ENTREP2: variants seen among roughly 807,000 people sequenced by gnomAD.
The protein encoded by ENTREP2 is endosomal transmembrane epsin interactor 2, also known as protein ENTREP2.
the ENTREP2 span, among the ~76,000 whole-genome samples, chr15:29,621,325 C>A: frequency 4.6e-5 from 7 of 151,768 alleles, no homozygotes; most frequent in Non-Finnish European, 8.8e-5. Flanking sequence ...AGATCGAGAC[C>A]ATCCTGGCTA....
chr15:29,129,045 G>C, the ENTREP2 span, among the ~76,000 whole-genome samples: 1 of 152,174 alleles, frequency 6.6e-6, no homozygotes, highest in Non-Finnish European at 1.5e-5. Context: ...AGTTGCCCTT[G>C]CCAAGGCCAA....
the ENTREP2 span, among the ~76,000 whole-genome samples, chr15:29,448,954 G>T: frequency 6.6e-6 from 1 of 152,196 alleles, no homozygotes; most frequent in Non-Finnish European, 1.5e-5. Context: ...CCAACCAGGG[G>T]TCTCTTCCCA....
the ENTREP2 span, among the ~76,000 whole-genome samples, chr15:29,377,270 C>T: frequency 6.6e-6 from 1 of 152,258 alleles, no homozygotes; most frequent in South Asian, 2.1e-4. Flanking sequence ...TAAGGTCTCA[C>T]ACGTCATCTG....
At chr15:29,377,865 A>AAT in the ENTREP2 span, among the ~76,000 whole-genome samples, 1,555 of 55,512 alleles carry the variant, frequency 0.028, 27 homozygotes, top group African/African-American at 0.048. Flanking sequence ...ATAATAATAA[A>AAT]AAAATGAGCC....
the ENTREP2 span, among the ~76,000 whole-genome samples, chr15:29,674,140 G>T: frequency 5.4e-5 from 8 of 148,934 alleles, no homozygotes; most frequent in African/African-American, 1.8e-4. Context: ...GGGGGGGGGG[G>T]GGGCTTTGCC....
the ENTREP2 span, among the ~76,000 whole-genome samples, chr15:29,527,900 G>A: frequency 3.3e-5 from 5 of 152,026 alleles, no homozygotes; most frequent in African/African-American, 9.7e-5. Context: ...TGCTGGTTTC[G>A]CTGCTAAGAT....
At chr15:29,419,625 C>T in the ENTREP2 span, among the ~76,000 whole-genome samples, 1 of 152,098 alleles carries the variant, frequency 6.6e-6, no homozygotes, top group African/African-American at 2.4e-5. Context: ...CGCTGCAAAG[C>T]TAAGCTGGCC....
the ENTREP2 span, chr15:29,123,459 T>TGA: frequency 1.3e-6 from 2 of 1,551,516 alleles, no homozygotes; most frequent in Non-Finnish European, 8.7e-7. Context: ...GGGCACAGTG[T>TGA]GAGTGTTCCA....
chr15:29,289,536 A>G, the ENTREP2 span, among the ~76,000 whole-genome samples: 1 of 152,124 alleles, frequency 6.6e-6, no homozygotes, highest in East Asian at 1.9e-4. Flanking sequence ...TTTCACTCCT[A>G]GAGAGTGCAC....
the ENTREP2 span, among the ~76,000 whole-genome samples, chr15:29,625,000 A>T: frequency 6.6e-6 from 1 of 151,826 alleles, no homozygotes; most frequent in African/African-American, 2.4e-5. Flanking sequence ...GAACTATCTC[A>T]TACCCATCCT....
chr15:29,489,057 A>C, the ENTREP2 span, among the ~76,000 whole-genome samples: 1 of 152,346 alleles, frequency 6.6e-6, no homozygotes, highest in Non-Finnish European at 1.5e-5. Context: ...TGGTTACACA[A>C]CGGTGTGAAT....
chr15:29,663,701 C>G, the ENTREP2 span, among the ~76,000 whole-genome samples: 4 of 151,878 alleles, frequency 2.6e-5, no homozygotes, highest in African/African-American at 9.7e-5. Context: ...CATCACACCC[C>G]GCGGCCTGTT....
the ENTREP2 span, among the ~76,000 whole-genome samples, chr15:29,608,434 T>C: frequency 4.7e-4 from 72 of 151,896 alleles, no homozygotes; most frequent in Non-Finnish European, 9.1e-4. Context: ...CCCAGCGCTT[T>C]CTCCTGAGTG....
At chr15:29,243,185 G>A in the ENTREP2 span, among the ~76,000 whole-genome samples, 1 of 152,154 alleles carries the variant, frequency 6.6e-6, no homozygotes, top group African/African-American at 2.4e-5. Flanking sequence ...ATCACAACAA[G>A]CTGGGAATCC....
chr15:29,342,052 C>T, the ENTREP2 span, among the ~76,000 whole-genome samples: 1 of 152,126 alleles, frequency 6.6e-6, no homozygotes, highest in Non-Finnish European at 1.5e-5. Flanking sequence ...TAGAAAAGAC[C>T]ACCCCTTGCT....
the ENTREP2 span, among the ~76,000 whole-genome samples, chr15:29,490,773 C>T: frequency 6.6e-6 from 1 of 152,158 alleles, no homozygotes; most frequent in Non-Finnish European, 1.5e-5. Context: ...AAAAGTTCTC[C>T]AAGTCCCCAC....
chr15:29,136,905 G>T, the ENTREP2 span: 1 of 834,562 alleles, frequency 1.2e-6, no homozygotes, highest in South Asian at 2.3e-5. Context: ...GTATGTCTAA[G>T]ACCCTCTCCT....
chr15:29,271,010 T>C, the ENTREP2 span, among the ~76,000 whole-genome samples: 7 of 152,362 alleles, frequency 4.6e-5, no homozygotes, highest in Non-Finnish European at 1.0e-4. Context: ...ATTTTGTTAA[T>C]TGTTAGTAGC....
At chr15:29,640,768 T>G in the ENTREP2 span, among the ~76,000 whole-genome samples, 1 of 152,220 alleles carries the variant, frequency 6.6e-6, no homozygotes, top group Non-Finnish European at 1.5e-5. Flanking sequence ...AGAATTATAC[T>G]GATCTTTCAC....
Sources: allele counts gnomAD v4.1 joint callset (sites outside exome capture counted in the v4.1 genomes callset), GRCh38; gene constraint gnomAD v4.1.1; transcripts MANE v1.5; gene names NCBI Gene and HGNC (gene_info 2026-07-23, HGNC 2026-07-21).